DLST: variants seen among roughly 807,000 people sequenced by gnomAD.
The protein encoded by DLST is dihydrolipoamide S-succinyltransferase.
DLST carries 17 observed loss-of-function variants against 53.1 expected under a neutral mutation model. That is an observed-to-expected ratio of 0.32 (90% CI 0.22 to 0.48). The LOEUF (loss-of-function observed/expected upper bound fraction) is 0.48. Ranked by LOEUF, DLST falls within the 20% of genes least tolerant of loss-of-function variation. The pLI, the probability that DLST is intolerant of heterozygous loss-of-function variation, is 0.99. For synonymous variants in DLST, 206 were observed against 204.8 expected, an observed-to-expected ratio of 1.01 and a Z score of -0.05; for missense variants, 512 against 583.9, an observed-to-expected ratio of 0.88 and a Z score of 1.27.
chr14:74,896,710 A>T (rs1370164155), intron 10 of DLST, among the ~76,000 whole-genome samples: 1 of 152,356 alleles, frequency 6.6e-6, no homozygotes, highest in South Asian at 2.1e-4. Flanking sequence ...GCTGCAGCTT[A>T]TGTTTCAGTG....
chr14:74,889,282 C>G lies in DLST; in HGVS notation c.207C>G (p.Asp69Glu). ...FFRTTAVCKD[D>E]LVTVKTPAFA... ...TTTTTGCATTTTTCCTAGAGGATGA[C>G]TTGGTTACAGTCAAAACCCCAGCGT... is the stretch of plus-strand genomic sequence containing the variant. Residue 69 changes from aspartate to glutamate, a missense_variant, in exon 5 of 15, where the codon GAC (aspartate) becomes GAG (glutamate). Transcript: ENST00000334220. 6.2e-7 allele frequency: 1 copy of G among 1,612,170 alleles called. No homozygotes were observed. Among genetic ancestry groups the G allele is most frequent in the Middle Eastern group, 1.7e-4 (1 of 5,740 alleles).
rs750475198 is a variant in DLST at position 74,891,042 on chromosome 14, T to C, written c.331-14T>C. ...TAAACATTTGGACTTCCTCCATCTG[T>C]CTTCCTCTTCCAGACATCTGTGCAG... On this transcript the variant is annotated splice_polypyrimidine_tract_variant and intron_variant, in intron 6 of 14. Transcript: ENST00000334220. 22 of 1,604,042 alleles carry C rather than the reference T, an allele frequency of 1.4e-5. 1 individual carries two copies. The Middle Eastern group carries it at 8.3e-4, about 60-fold the overall frequency.
intron 1 of DLST, among the ~76,000 whole-genome samples, chr14:74,882,379 T>C (rs538403988): frequency 4.6e-5 from 7 of 152,206 alleles, no homozygotes; most frequent in South Asian, 4.1e-4. Flanking sequence ...TTAAAATCAG[T>C]GGGTATTAAT....
intron 12 of DLST, 123 bp from the exon 13 acceptor site, chr14:74,900,166 G>C: frequency 8.9e-7 from 1 of 1,123,530 alleles, no homozygotes; most frequent in Non-Finnish European, 1.3e-6. Context: ...AACACTTTCT[G>C]TTAATCACAC....
At chr14:74,897,139 G>A (rs2853771) in intron 10 of DLST, among the ~76,000 whole-genome samples, 1 of 152,202 alleles carries the variant, frequency 6.6e-6, no homozygotes. Flanking sequence ...TGCAGCTCTT[G>A]TGTCTTGGGA....
chr14:74,895,380 A>C (rs1884044741), intron 10 of DLST, among the ~76,000 whole-genome samples: 2 of 152,250 alleles, frequency 1.3e-5, no homozygotes, highest in African/African-American at 4.8e-5. Context: ...AATGTGTTCA[A>C]GTATCAGCAC....
At position 74,881,919 on chromosome 14, in the gene DLST, T is replaced by C. The variant is rs1883522416; in HGVS notation, c.-35T>C. 1 of 1,513,990 alleles carries C rather than the reference T, an allele frequency of 6.6e-7. No homozygotes were observed. The highest frequency in any genetic ancestry group is 1.4e-5 in the African/African-American group (1 of 70,924). The allele number at this position is 1,513,990 out of a possible 1,614,324, so 93.8% of individuals were successfully genotyped here. ...CTTCCGGTTGTTGTCCGGCCCTATA[T>C]CCGGTGTCCGCCCGCCCTCGGCTCC... is the stretch of plus-strand genomic sequence containing the variant. On this transcript the variant is annotated 5_prime_UTR_variant, in exon 1 of 15. Transcript: ENST00000334220.
chr14:74,886,673 A>G lies in DLST; in HGVS notation c.146+1039A>G, dbSNP rs530314220. Among the ~76,000 whole-genome samples the G allele has an allele frequency of 1.8e-4, 28 of 152,190 alleles. 1 individual carries two copies. In the South Asian group the frequency reaches 5.2e-3, roughly 28 times the overall value. ...AGTAAATGTTGCACTCAGTACTAGA[A>G]ATATGAATCCCGGTGTTATTTTGGA... On this transcript the variant is annotated intron_variant, in intron 3 of 14. Coordinates refer to ENST00000334220, the MANE Select transcript of DLST (RefSeq NM_001933.5).
rs373100800 is a variant in DLST at position 74,892,929 on chromosome 14, A to G, written c.538A>G (p.Ile180Val). 9.3e-6 allele frequency: 15 copies of G among 1,613,932 alleles called. No homozygotes were observed. In the African/African-American group the frequency reaches 1.3e-4, roughly 14 times the overall value. The change falls in exon 8 of 15, where the codon ATA becomes GTA. Residue 180 changes from isoleucine (I) to valine (V), a missense_variant. By Grantham distance (29) the Ile-to-Val change is conservative (BLOSUM62 3). Transcript: ENST00000334220. ...GGCAGTTCCTCCCCCTGCAGCACCC[A>G]TACCCACTCAGATGCCACCGGTGCC... Reference protein sequence around the residue: ...AAAVPPPAAPIPTQMPPVPSP... With the variant: ...AAAVPPPAAPVPTQMPPVPSP...
chr14:74,901,007 G>A lies in DLST; in HGVS notation c.1060-59G>A. 8 of 1,582,416 alleles carry A rather than the reference G, an allele frequency of 5.1e-6. No individual in the cohort carries two copies. The South Asian group carries it at 9.3e-5, about 18-fold the overall frequency. On this transcript the variant is annotated intron_variant, in intron 13 of 14. Coordinates refer to ENST00000334220, the MANE Select transcript of DLST (RefSeq NM_001933.5). ...TCCCAAAGCGCTGGGATTATGGACT[G>A]ACTTTAGGTGAAGGAAACTGGGTTG...
intron 2 of DLST, 64 bp downstream of exon 2, chr14:74,882,688 C>T (rs1467479453): frequency 1.4e-6 from 2 of 1,465,304 alleles, no homozygotes; most frequent in East Asian, 4.5e-5. Context: ...ATGTGAGGAA[C>T]TCGGGGGTGC....
chr14:74,893,020 A>G, intron 8 of DLST, 34 bp downstream of exon 8: 1 of 1,598,260 alleles, frequency 6.3e-7, no homozygotes, highest in Non-Finnish European at 8.5e-7. Context: ...CATGTGGGAG[A>G]ACATCTCGTC....
chr14:74,892,558 T>C (rs1883946625), intron 7 of DLST, among the ~76,000 whole-genome samples: 1 of 151,648 alleles, frequency 6.6e-6, no homozygotes, highest in African/African-American at 2.4e-5. Flanking sequence ...GCTTGATAGG[T>C]GCTTTGAAAG....
At chr14:74,884,469 T>C (rs887498757) in intron 2 of DLST, among the ~76,000 whole-genome samples, 2 of 152,214 alleles carry the variant, frequency 1.3e-5, no homozygotes, top group Admixed American at 6.5e-5. Flanking sequence ...GCTAGTCGCT[T>C]AACCTCCAAA....
chr14:74,899,341 A>G (rs1435218589), intron 11 of DLST, among the ~76,000 whole-genome samples: 1 of 151,970 alleles, frequency 6.6e-6, no homozygotes, highest in East Asian at 1.9e-4. Flanking sequence ...TTATCTAACA[A>G]TACAACATGG....
chr14:74,882,495 A>T (rs1202440561), intron 1 of DLST, 96 bp from the exon 2 acceptor site: 1 of 1,254,030 alleles, frequency 8.0e-7, no homozygotes, highest in Non-Finnish European at 1.2e-6. Flanking sequence ...TTCACCTGTC[A>T]CCACCACTGG....
intron 7 of DLST, among the ~76,000 whole-genome samples, chr14:74,892,301 T>C (rs527579488): frequency 6.6e-6 from 1 of 152,246 alleles, no homozygotes; most frequent in African/African-American, 2.4e-5. Flanking sequence ...CAGGATGGTT[T>C]TGATCTGTTG....
At chr14:74,888,973 AC>A (rs1166502093) in intron 3 of DLST, 121 bp from the exon 4 acceptor site, 1 of 962,296 alleles carries the variant, frequency 1.0e-6, no homozygotes, top group East Asian at 2.4e-5. Flanking sequence ...CCCAAGTGAC[AC>A]TGATGGACAC....
At chr14:74,896,957 G>A (rs1177485829) in intron 10 of DLST, among the ~76,000 whole-genome samples, 1 of 152,218 alleles carries the variant, frequency 6.6e-6, no homozygotes, top group Non-Finnish European at 1.5e-5. Context: ...TTTGGGTCTT[G>A]TGCTGATCAG....
Sources: allele counts gnomAD v4.1 joint callset (sites outside exome capture counted in the v4.1 genomes callset), GRCh38; gene constraint gnomAD v4.1.1; transcripts MANE v1.5; gene names NCBI Gene and HGNC (gene_info 2026-07-23, HGNC 2026-07-21).